The following PRKCE variants were observed in gnomAD, a reference collection of about 807,000 sequenced individuals.
PRKCE encodes the protein protein kinase C epsilon type.
In PRKCE, 16 loss-of-function variants were observed where a neutral mutation model predicts 85.4. That is an observed-to-expected ratio of 0.19 (90% CI 0.13 to 0.28). PRKCE has a LOEUF of 0.28. PRKCE is among the 10% of genes least tolerant of loss of function. The probability of loss-of-function intolerance (pLI) is 1.00; values close to 1 mark genes in which losing one functional copy is unlikely to be tolerated. For synonymous variants in PRKCE, 388 were observed against 371.5 expected, an observed-to-expected ratio of 1.04 and a Z score of -0.51; for missense variants, 573 against 975.2, an observed-to-expected ratio of 0.59 and a Z score of 5.49.
chr2:45,753,634 A>G (rs1244474885), intron 1 of PRKCE, among the ~76,000 whole-genome samples: 1 of 152,106 alleles, frequency 6.6e-6, no homozygotes, highest in Admixed American at 6.5e-5. Flanking sequence ...TGCTGCGCCC[A>G]TAGCATTCTT....
rs142387923 is a variant in PRKCE at position 46,048,851 on chromosome 2, G to T, written c.1438-37357G>T. On this transcript the variant is annotated intron_variant, in intron 10 of 14. Transcript: ENST00000306156. ...CAGGACTCAACTCAGTGTGACTCTTGCCCTCCTCCTTTCTCCTTCCCAGAC... is the reference window on the plus strand; with the variant it reads ...CAGGACTCAACTCAGTGTGACTCTTTCCCTCCTCCTTTCTCCTTCCCAGAC... Among the ~76,000 whole-genome samples, 1,273 of 152,204 alleles carry T rather than the reference G, an allele frequency of 8.4e-3. 10 individuals are homozygous for T. The highest frequency in any genetic ancestry group is 0.012 in the Non-Finnish European group (800 of 68,002).
At chr2:45,802,896 T>C (rs1289712047) in intron 1 of PRKCE, among the ~76,000 whole-genome samples, 2 of 152,240 alleles carry the variant, frequency 1.3e-5, no homozygotes, top group Non-Finnish European at 2.9e-5. Flanking sequence ...TCAGTGTTTT[T>C]AGTCACCAAC....
rs193237550 is a variant in PRKCE at position 46,005,034 on chromosome 2, C to G, written c.1063+396C>G. Among the ~76,000 whole-genome samples, 7 of 152,284 alleles carry G rather than the reference C, an allele frequency of 4.6e-5. No homozygotes were observed. In the East Asian group the frequency reaches 1.4e-3, roughly 29 times the overall value. Reference sequence around the variant, plus strand: ...TCCCTTGAGTTGAGTTTGACACTCCCTCCCCCATCATCATACCCAAAACCT... The same window carrying G: ...TCCCTTGAGTTGAGTTTGACACTCCGTCCCCCATCATCATACCCAAAACCT... On this transcript the variant is annotated intron_variant, in intron 8 of 14. Transcript: ENST00000306156.
intron 2 of PRKCE, among the ~76,000 whole-genome samples, chr2:45,858,066 C>G (rs181966967): frequency 6.6e-6 from 1 of 152,136 alleles, no homozygotes; most frequent in African/African-American, 2.4e-5. Context: ...CAAGAACTGC[C>G]TGTAATAGGT....
At chr2:45,672,890 G>A (rs772761490) in intron 1 of PRKCE, among the ~76,000 whole-genome samples, 3 of 152,062 alleles carry the variant, frequency 2.0e-5, no homozygotes, top group Non-Finnish European at 4.4e-5. Context: ...GCTGGGTGTG[G>A]TGGCATGCAT....
chr2:45,963,219 A>AT (rs1364500943), intron 2 of PRKCE, among the ~76,000 whole-genome samples: 2 of 152,190 alleles, frequency 1.3e-5, no homozygotes, highest in Non-Finnish European at 2.9e-5. Flanking sequence ...GTTATGTAAA[A>AT]TGAGTCCCTC....
rs1051179675 is a variant in PRKCE at position 45,966,365 on chromosome 2, C to T, written c.413-10064C>T. Among the ~76,000 whole-genome samples the T allele has an allele frequency of 1.1e-4, 17 of 152,262 alleles. No individual in the cohort carries two copies. The East Asian group carries it at 1.7e-3, about 16-fold the overall frequency. On this transcript the variant is annotated intron_variant, in intron 2 of 14. Transcript: ENST00000306156. ...CACACATGTGAGGTACTACCTTGCA[C>T]GCATGCGGGATACTGTCGTGTGTGT...
intron 1 of PRKCE, among the ~76,000 whole-genome samples, chr2:45,828,735 G>A (rs970396819): frequency 1.3e-5 from 2 of 151,854 alleles, no homozygotes; most frequent in African/African-American, 4.8e-5. Flanking sequence ...ATAAATGAGA[G>A]GAGTGAACTA....
chr2:45,959,416 C>G (rs556454121), intron 2 of PRKCE, among the ~76,000 whole-genome samples: 3 of 152,180 alleles, frequency 2.0e-5, no homozygotes. Flanking sequence ...AGAGTTGAAC[C>G]TTTTACTTCA....
At chr2:46,052,413 T>C (rs1708912825) in intron 10 of PRKCE, among the ~76,000 whole-genome samples, 1 of 152,220 alleles carries the variant, frequency 6.6e-6, no homozygotes, top group Admixed American at 6.5e-5. Flanking sequence ...TCAAAAAGAC[T>C]TAATTGCTCA....
intron 10 of PRKCE, among the ~76,000 whole-genome samples, chr2:46,059,223 GGCTACAGT>G (rs1256823646): frequency 7.7e-6 from 1 of 129,694 alleles, no homozygotes; most frequent in Non-Finnish European, 1.6e-5. Context: ...AGGAGGTTAA[GGCTACAGT>G]GAGCCATGAT....
intron 6 of PRKCE, among the ~76,000 whole-genome samples, chr2:45,995,758 T>C (rs1291922749): frequency 3.9e-5 from 6 of 152,216 alleles, no homozygotes; most frequent in Admixed American, 1.3e-4. Flanking sequence ...TTCAGCTTTA[T>C]AGTAAGTCTT....
chr2:45,988,235 G>A (rs60850482), intron 6 of PRKCE, among the ~76,000 whole-genome samples: 4,203 of 152,180 alleles, frequency 0.028, 190 homozygotes, highest in African/African-American at 0.095. Flanking sequence ...TGCCATTCCC[G>A]TTCCCATTCC....
intron 1 of PRKCE, among the ~76,000 whole-genome samples, chr2:45,665,138 T>A (rs1417472166): frequency 6.6e-6 from 1 of 152,260 alleles, no homozygotes; most frequent in Non-Finnish European, 1.5e-5. Context: ...AGAGCCTTGA[T>A]CTTTAAGCTC....
chr2:45,879,559 C>T (rs567394418), intron 2 of PRKCE, among the ~76,000 whole-genome samples: 1 of 152,320 alleles, frequency 6.6e-6, no homozygotes, highest in Admixed American at 6.5e-5. Flanking sequence ...ACCTCTGGGG[C>T]TTCAGATGTT....
intron 2 of PRKCE, among the ~76,000 whole-genome samples, chr2:45,930,157 T>C (rs1213924641): frequency 6.6e-6 from 1 of 152,208 alleles, no homozygotes; most frequent in Non-Finnish European, 1.5e-5. Context: ...TACTGTTCTG[T>C]GCGACACCCC....
At chr2:45,719,844 G>C (rs949112834) in intron 1 of PRKCE, among the ~76,000 whole-genome samples, 2 of 152,150 alleles carry the variant, frequency 1.3e-5, no homozygotes, top group African/African-American at 2.4e-5. Flanking sequence ...AGGATCACTT[G>C]AGCCCAGGAG....
At chr2:46,039,009 A>G (rs1046978566) in intron 10 of PRKCE, among the ~76,000 whole-genome samples, 11 of 152,302 alleles carry the variant, frequency 7.2e-5, no homozygotes, top group African/African-American at 2.6e-4. Context: ...AGATACTGTT[A>G]AAATGCAATT....
intron 1 of PRKCE, among the ~76,000 whole-genome samples, chr2:45,728,684 A>G (rs1352125498): frequency 6.6e-6 from 1 of 152,188 alleles, no homozygotes; most frequent in Non-Finnish European, 1.5e-5. Context: ...CCTGACTGTA[A>G]GTTGAGGTCT....
Sources: allele counts gnomAD v4.1 joint callset (sites outside exome capture counted in the v4.1 genomes callset), GRCh38; gene constraint gnomAD v4.1.1; transcripts MANE v1.5; gene names NCBI Gene and HGNC (gene_info 2026-07-23, HGNC 2026-07-21).